NCOA2: variants seen among roughly 807,000 people sequenced by gnomAD.
The protein encoded by NCOA2 is nuclear receptor coactivator 2.
A neutral mutation model predicts 145.1 loss-of-function variants in NCOA2; 21 were observed. The ratio of observed to expected loss-of-function variants is 0.14; its 90% confidence interval spans 0.10 to 0.21. NCOA2 has a LOEUF of 0.21. Among genes scored for constraint, NCOA2 ranks in the 10% least tolerant of loss-of-function variants. The pLI is 1.00. For synonymous variants in NCOA2, 619 were observed against 637.5 expected (o/e 0.97, Z 0.44); for missense variants, 1,472 against 1,837.6 (o/e 0.80, Z 3.64).
intron 1 of NCOA2, among the ~76,000 whole-genome samples, chr8:70,321,590 T>C (rs556524618): frequency 6.4e-4 from 97 of 152,230 alleles, no homozygotes; most frequent in African/African-American, 2.3e-3. Context: ...CCAGGCAGGC[T>C]GTGCACATCC....
the NCOA2 span, among the ~76,000 whole-genome samples, chr8:70,433,871 G>A: frequency 6.6e-6 from 1 of 152,124 alleles, no homozygotes; most frequent in Non-Finnish European, 1.5e-5. Context: ...CATTCCCTGT[G>A]GGATGTGTTA....
chr8:70,406,652 A>T (rs569488088), upstream of NCOA2, among the ~76,000 whole-genome samples: 1 of 152,260 alleles, frequency 6.6e-6, no homozygotes, highest in Non-Finnish European at 1.5e-5. Context: ...AGCATGGAAA[A>T]GTAAAGAAAA....
At chr8:70,264,073 G>C (rs1488499270) in intron 2 of NCOA2, among the ~76,000 whole-genome samples, 1 of 151,840 alleles carries the variant, frequency 6.6e-6, no homozygotes, top group Non-Finnish European at 1.5e-5. Context: ...TTAGCCAGAC[G>C]TGGTGGCTTC....
intron 2 of NCOA2, among the ~76,000 whole-genome samples, chr8:70,239,369 C>G (rs573085205): frequency 6.6e-6 from 1 of 152,142 alleles, no homozygotes; most frequent in East Asian, 1.9e-4. Flanking sequence ...GCAGAAAAAC[C>G]AGAGAATTTA....
chr8:70,211,612 A>G (rs756694302), intron 4 of NCOA2, among the ~76,000 whole-genome samples: 1 of 152,198 alleles, frequency 6.6e-6, no homozygotes, highest in Non-Finnish European at 1.5e-5. Context: ...TAAACTCTAT[A>G]TGAGGCAACT....
chr8:70,392,443 TA>T (rs1813290288), intron 1 of NCOA2, among the ~76,000 whole-genome samples: 1 of 152,348 alleles, frequency 6.6e-6, no homozygotes, highest in East Asian at 1.9e-4. Flanking sequence ...AAATTATTAT[TA>T]AAAGGAGAAA....
At chr8:70,170,161 G>C (rs1324957153) in intron 6 of NCOA2, 41 bp downstream of exon 6, 1 of 1,583,570 alleles carries the variant, frequency 6.3e-7, no homozygotes, top group Non-Finnish European at 8.6e-7. Flanking sequence ...GGGCAGGTGG[G>C]GGTGACGGGA....
chr8:70,138,744 T>C (rs1485693543), intron 14 of NCOA2, among the ~76,000 whole-genome samples: 5 of 152,262 alleles, frequency 3.3e-5, no homozygotes, highest in Non-Finnish European at 7.3e-5. Flanking sequence ...AATAAGATTT[T>C]TGATTGCAAA....
At chr8:70,270,158 G>A (rs1386677580) in intron 2 of NCOA2, among the ~76,000 whole-genome samples, 1 of 151,618 alleles carries the variant, frequency 6.6e-6, no homozygotes, top group Non-Finnish European at 1.5e-5. Context: ...CTCCAGCCTG[G>A]GTGACACAGT....
intron 2 of NCOA2, among the ~76,000 whole-genome samples, chr8:70,240,526 T>C (rs555664714): frequency 5.2e-4 from 79 of 152,270 alleles, no homozygotes; most frequent in African/African-American, 1.8e-3. Flanking sequence ...TGCATTTTTG[T>C]TCTTCTGATG....
chr8:70,175,002 C>T (rs1814668122), intron 4 of NCOA2, 143 bp from the exon 5 acceptor site: 2 of 699,764 alleles, frequency 2.9e-6, no homozygotes, highest in Non-Finnish European at 4.8e-6. Context: ...ATCCCTGTTG[C>T]CCCTAAATGG....
chr8:70,346,359 T>C (rs1586558938), intron 1 of NCOA2, among the ~76,000 whole-genome samples: 1 of 152,174 alleles, frequency 6.6e-6, no homozygotes, highest in Non-Finnish European at 1.5e-5. Flanking sequence ...ATTTATTACT[T>C]CTCTTTTTCA....
intron 1 of NCOA2, among the ~76,000 whole-genome samples, chr8:70,332,741 G>T (rs1807221279): frequency 6.6e-6 from 1 of 152,088 alleles, no homozygotes; most frequent in African/African-American, 2.4e-5. Context: ...TTCTTGGCCT[G>T]ACTACTCTAA....
At chr8:70,276,012 C>A (rs1450658313) in intron 2 of NCOA2, among the ~76,000 whole-genome samples, 1 of 152,152 alleles carries the variant, frequency 6.6e-6, no homozygotes, top group East Asian at 1.9e-4. Context: ...TTGAAAACAT[C>A]TAGAATTGTT....
intron 2 of NCOA2, among the ~76,000 whole-genome samples, chr8:70,222,730 G>A (rs749490444): frequency 2.0e-5 from 3 of 152,112 alleles, no homozygotes; most frequent in Non-Finnish European, 4.4e-5. Flanking sequence ...CATGTTCACT[G>A]GTTACACAAA....
At chr8:70,351,542 C>T (rs1487255634) in intron 1 of NCOA2, among the ~76,000 whole-genome samples, 1 of 151,186 alleles carries the variant, frequency 6.6e-6, no homozygotes, top group African/African-American at 2.4e-5. Context: ...GAATCTTTAT[C>T]TAGGTTTCTT....
At position 70,160,682 on chromosome 8, in the gene NCOA2, G is replaced by GAGAGAGAGAGAGAGAGAGAGAGA. The variant is rs371258460; in HGVS notation, c.977-1031_977-1030insTCTCTCTCTCTCTCTCTCTCTCT. Among the ~76,000 whole-genome samples the GAGAGAGAGAGAGAGAGAGAGAGA allele has an allele frequency of 2.6e-4, 15 of 58,362 alleles. 2 individuals are homozygous for GAGAGAGAGAGAGAGAGAGAGAGA. The highest frequency in any genetic ancestry group is 3.8e-4 in the African/African-American group (9 of 23,980). 38.3% of individuals were successfully genotyped at this position (58,362 alleles called of 152,430 possible). On this transcript the variant is annotated intron_variant, in intron 9 of 22. Transcript: ENST00000452400. ...GACAGAGAGAGAGAGAGAGAGAGAG[G>GAGAGAGAGAGAGAGAGAGAGAGA]GAGAGAGAGAGAGAGAGAGACTGAC...
intron 2 of NCOA2, among the ~76,000 whole-genome samples, chr8:70,244,053 A>G (rs1822400241): frequency 6.6e-6 from 1 of 152,096 alleles, no homozygotes; most frequent in Non-Finnish European, 1.5e-5. Context: ...TAGAAAAGAC[A>G]GCGAGAATTA....
intron 4 of NCOA2, among the ~76,000 whole-genome samples, chr8:70,213,112 A>AC (rs1819223573): frequency 6.7e-6 from 1 of 150,136 alleles, no homozygotes; most frequent in Non-Finnish European, 1.5e-5. Flanking sequence ...AAAAAAAAAA[A>AC]CCACACCAGA....
Sources: gnomAD v4.1 joint callset for allele counts (sites outside exome capture counted in the v4.1 genomes callset) on GRCh38, gnomAD v4.1.1 for gene constraint, MANE v1.5 for transcripts, NCBI Gene and HGNC (gene_info 2026-07-23, HGNC 2026-07-21) for gene names.